Variants in PDGFD observed in about 807,000 individuals in gnomAD.
PDGFD encodes platelet derived growth factor D.
A neutral mutation model predicts 44.7 loss-of-function variants in PDGFD; 30 were observed. The observed-to-expected ratio is 0.67, with a 90% CI of 0.50 to 0.91. PDGFD has a LOEUF of 0.91. PDGFD is among the 40% of genes least tolerant of loss of function. The pLI, the probability that PDGFD is intolerant of heterozygous loss-of-function variation, is 0.00. For synonymous variants in PDGFD, 173 were observed against 168.4 expected, an observed-to-expected ratio of 1.03 and a Z score of -0.21; for missense variants, 445 against 457.8, an observed-to-expected ratio of 0.97 and a Z score of 0.25.
At chr11:103,937,063 C>T (rs1243135351) in intron 5 of PDGFD, among the ~76,000 whole-genome samples, 6 of 152,034 alleles carry the variant, frequency 3.9e-5, no homozygotes, top group East Asian at 1.9e-4. Flanking sequence ...TGGGCTCAAG[C>T]GATCTGCCTA....
intron 3 of PDGFD, among the ~76,000 whole-genome samples, chr11:103,968,540 A>G (rs1356379240): frequency 6.6e-6 from 1 of 152,186 alleles, no homozygotes; most frequent in Non-Finnish European, 1.5e-5. Context: ...AAAGTAAAAT[A>G]TTCCCAAATT....
chr11:103,985,078 T>TATTTATTTAATATATTATATATTA (rs1230058420), intron 3 of PDGFD, among the ~76,000 whole-genome samples: 1 of 89,268 alleles, frequency 1.1e-5, no homozygotes, highest in Non-Finnish European at 2.2e-5. Flanking sequence ...TTAATAGTTA[T>TATTTATTTAATATATTATATATTA]ATTTATTTAA....
intron 5 of PDGFD, among the ~76,000 whole-genome samples, chr11:103,936,366 GCT>G (rs1223166192): frequency 6.6e-6 from 1 of 152,124 alleles, no homozygotes; most frequent in African/African-American, 2.4e-5. Flanking sequence ...ATATGTTAAT[GCT>G]CTCTGAATAA....
chr11:104,028,103 T>C (rs1860072028), intron 1 of PDGFD, among the ~76,000 whole-genome samples: 1 of 146,592 alleles, frequency 6.8e-6, no homozygotes, highest in African/African-American at 2.5e-5. Context: ...GGCAGGAGAA[T>C]GGCGTGAACC....
intron 1 of PDGFD, among the ~76,000 whole-genome samples, chr11:104,061,558 AGTGT>A (rs1387330287): frequency 1.3e-5 from 2 of 152,168 alleles, no homozygotes; most frequent in Admixed American, 6.5e-5. Flanking sequence ...AATGAAATAC[AGTGT>A]GTGTATGTTT....
chr11:104,158,377 T>A (rs904264576), intron 1 of PDGFD, among the ~76,000 whole-genome samples: 1 of 152,230 alleles, frequency 6.6e-6, no homozygotes, highest in African/African-American at 2.4e-5. Context: ...CCAGAATGCA[T>A]CTGAAAGATA....
chr11:103,924,912 C>T (rs1858280998), intron 6 of PDGFD, among the ~76,000 whole-genome samples: 1 of 152,228 alleles, frequency 6.6e-6, no homozygotes, highest in Admixed American at 6.5e-5. Flanking sequence ...TTGCTGCACC[C>T]TTTAACCCAT....
chr11:103,967,394 A>G (rs1859036827), intron 3 of PDGFD, among the ~76,000 whole-genome samples: 1 of 152,098 alleles, frequency 6.6e-6, no homozygotes, highest in Admixed American at 6.6e-5. Context: ...CTTCTTATGT[A>G]CCCCAACTTC....
At chr11:104,089,967 G>C (rs1861187459) in intron 1 of PDGFD, among the ~76,000 whole-genome samples, 1 of 152,072 alleles carries the variant, frequency 6.6e-6, no homozygotes, top group Admixed American at 6.6e-5. Flanking sequence ...ATAGTATAGA[G>C]TAGAACATAC....
At chr11:103,966,101 T>C (rs1418546872) in intron 3 of PDGFD, among the ~76,000 whole-genome samples, 1 of 152,120 alleles carries the variant, frequency 6.6e-6, no homozygotes, top group East Asian at 1.9e-4. Flanking sequence ...CCAAAAACTA[T>C]TTGGGTCAGG....
intron 3 of PDGFD, among the ~76,000 whole-genome samples, chr11:103,960,120 G>A (rs995271227): frequency 5.3e-5 from 8 of 152,124 alleles, no homozygotes; most frequent in Admixed American, 6.5e-5. Context: ...TTTTTGTACC[G>A]TTACATCTGT....
At chr11:104,005,969 G>C (rs1018179850) in intron 1 of PDGFD, among the ~76,000 whole-genome samples, 9 of 152,118 alleles carry the variant, frequency 5.9e-5, no homozygotes, top group African/African-American at 2.2e-4. Context: ...TCTGAGGTAC[G>C]CATTTGACTT....
chr11:104,157,603 T>A (rs936855928), intron 1 of PDGFD, among the ~76,000 whole-genome samples: 1 of 152,172 alleles, frequency 6.6e-6, no homozygotes, highest in Non-Finnish European at 1.5e-5. Context: ...TTGTCCAGAA[T>A]CAAGGCAGCA....
chr11:104,130,519 C>G (rs1417473394), intron 1 of PDGFD, among the ~76,000 whole-genome samples: 1 of 152,110 alleles, frequency 6.6e-6, no homozygotes, highest in Non-Finnish European at 1.5e-5. Flanking sequence ...AGTATCTGAG[C>G]AACATAAATT....
chr11:104,131,171 G>A (rs1439841735), intron 1 of PDGFD, among the ~76,000 whole-genome samples: 2 of 152,156 alleles, frequency 1.3e-5, no homozygotes, highest in Non-Finnish European at 2.9e-5. Context: ...TCACTGCTCT[G>A]TTTCTGTCCT....
chr11:103,931,130 A>T (rs185030950), intron 5 of PDGFD, among the ~76,000 whole-genome samples: 48 of 152,296 alleles, frequency 3.2e-4, no homozygotes, highest in African/African-American at 1.1e-3. Context: ...CAAGCACAAC[A>T]TGGGTGGTGA....
At chr11:104,138,311 A>G (rs1215146869) in intron 1 of PDGFD, among the ~76,000 whole-genome samples, 1 of 152,230 alleles carries the variant, frequency 6.6e-6, no homozygotes, top group South Asian at 2.1e-4. Context: ...CAAAGAGGAA[A>G]TCCACATTTA....
intron 1 of PDGFD, among the ~76,000 whole-genome samples, chr11:104,099,527 G>C (rs1861337398): frequency 6.6e-6 from 1 of 151,860 alleles, no homozygotes. Flanking sequence ...AGCTACTCTG[G>C]AGGCTAAGGT....
In PDGFD at chr11:103,907,594, T is replaced by C. The variant is rs1308193273; in HGVS notation, c.*2100A>G. The C allele has an allele frequency of 6.6e-6, 1 of 152,212 alleles. No individual in the cohort carries two copies. The highest frequency in any genetic ancestry group is 1.5e-5 in the Non-Finnish European group (1 of 68,030). The allele number at this position is 152,212 out of a possible 1,614,324, so 9.4% of individuals were successfully genotyped here. A position where few individuals can be genotyped will look rare whatever the true frequency, so the allele number is the denominator to read the frequency against. ...TACATTTCAGCTAATAAATAAAAAGTGCAGATAGGGCTTTAACTGAAAACC... is the reference window on the plus strand; with the variant it reads ...TACATTTCAGCTAATAAATAAAAAGCGCAGATAGGGCTTTAACTGAAAACC... On this transcript the variant is annotated 3_prime_UTR_variant, in exon 7 of 7. Coordinates refer to ENST00000393158, the MANE Select transcript of PDGFD (RefSeq NM_025208.5).
Sources: gnomAD v4.1 joint callset for allele counts (sites outside exome capture counted in the v4.1 genomes callset) on GRCh38, gnomAD v4.1.1 for gene constraint, MANE v1.5 for transcripts, NCBI Gene and HGNC (gene_info 2026-07-23, HGNC 2026-07-21) for gene names.